The following UBXN2B variants were observed in gnomAD, a reference collection of about 807,000 sequenced individuals.
The protein encoded by UBXN2B is UBX domain protein 2B.
A neutral mutation model predicts 37.5 loss-of-function variants in UBXN2B; 19 were observed. The ratio of observed to expected loss-of-function variants is 0.51; its 90% CI spans 0.35 to 0.74. The LOEUF is 0.74. Among genes scored for constraint, UBXN2B ranks in the 30% least tolerant of loss-of-function variants. The pLI, the probability that UBXN2B is intolerant of heterozygous loss-of-function variation, is 0.01. For synonymous variants in UBXN2B, 145 were observed against 143.8 expected, an observed-to-expected ratio of 1.01 and a Z score of -0.06; for missense variants, 370 against 393.2, an observed-to-expected ratio of 0.94 and a Z score of 0.50.
chr8:58,447,377 T>G lies in UBXN2B; in HGVS notation c.834-12T>G, dbSNP rs1808705701. On this transcript the variant is annotated splice_polypyrimidine_tract_variant and intron_variant, in intron 7 of 7. Coordinates refer to ENST00000399598, the MANE Select transcript of UBXN2B (RefSeq NM_001077619.2). The stretch of plus-strand genomic sequence containing the variant: ...TTTTATATTACAAATTATTTTTGTC[T>G]TATTTCTTCAGGATCCTGGATGTCC... 1.9e-6 allele frequency: 3 copies of G among 1,549,142 alleles called. No homozygotes were observed. Among genetic ancestry groups the G allele is most frequent in the South Asian group, 1.3e-5 (1 of 79,574 alleles).
Position 58,434,384 on chromosome 8 carries a change from A to G in UBXN2B, c.424-11A>G, listed in dbSNP as rs372265443. The G allele has an allele frequency of 4.5e-5, 57 of 1,262,292 alleles. No individual in the cohort carries two copies. In the African/African-American group the frequency reaches 7.4e-4, roughly 16 times the overall value. The allele number at this position is 1,262,292 out of a possible 1,614,324, so 78.2% of individuals were successfully genotyped here. A position where few individuals can be genotyped will look rare whatever the true frequency, so the allele number is the denominator to read the frequency against. The stretch of plus-strand genomic sequence containing the variant: ...ATATATATATATTTTTTTTTTTTCT[A>G]TACCCAAAAGGTTCAGATTTTGCTT... On this transcript the variant is annotated splice_polypyrimidine_tract_variant and intron_variant, in intron 4 of 7. Coordinates refer to ENST00000399598, the MANE Select transcript of UBXN2B (RefSeq NM_001077619.2).
intron 2 of UBXN2B, among the ~76,000 whole-genome samples, chr8:58,427,721 T>G (rs1391798115): frequency 6.6e-6 from 1 of 152,220 alleles, no homozygotes; most frequent in Non-Finnish European, 1.5e-5. Flanking sequence ...AGTAGAACTA[T>G]CTAGCAGGTG....
chr8:58,428,614 T>C (rs905030346), intron 2 of UBXN2B, among the ~76,000 whole-genome samples: 2 of 152,252 alleles, frequency 1.3e-5, no homozygotes, highest in African/African-American at 4.8e-5. Context: ...GATGCCTATC[T>C]TTTATTCCTT....
chr8:58,426,151 G>T, intron 2 of UBXN2B: 1 of 977,584 alleles, frequency 1.0e-6, no homozygotes, highest in South Asian at 1.3e-5. Flanking sequence ...CAGCCAAAGT[G>T]GAAAATTTCT....
At chr8:58,419,405 G>C (rs1807867510) in intron 2 of UBXN2B, among the ~76,000 whole-genome samples, 2 of 152,146 alleles carry the variant, frequency 1.3e-5, no homozygotes, top group Admixed American at 1.3e-4. Flanking sequence ...GTCATTTTAA[G>C]CCAAGACAGT....
At chr8:58,442,487 AT>A (rs1585619212) in intron 6 of UBXN2B, among the ~76,000 whole-genome samples, 1 of 152,258 alleles carries the variant, frequency 6.6e-6, no homozygotes, top group African/African-American at 2.4e-5. Context: ...AGAAATGAAA[AT>A]AATCTATTGT....
intron 2 of UBXN2B, chr8:58,426,737 A>C: frequency 4.6e-6 from 3 of 658,604 alleles, no homozygotes; most frequent in Non-Finnish European, 5.7e-6. Context: ...CTCAGGCTCC[A>C]CTGGGCTCGG....
At chr8:58,416,823 C>T in intron 1 of UBXN2B, 27 bp from the exon 2 acceptor site, 1 of 1,596,708 alleles carries the variant, frequency 6.3e-7, no homozygotes, top group Non-Finnish European at 8.6e-7. Context: ...TAGTGTTATA[C>T]TTTGTAACAA....
At chr8:58,444,387 G>C (rs903624697) in intron 6 of UBXN2B, among the ~76,000 whole-genome samples, 1 of 152,178 alleles carries the variant, frequency 6.6e-6, no homozygotes, top group African/African-American at 2.4e-5. Context: ...GGCACAATAA[G>C]GGTAAGTGAC....
At chr8:58,415,433 C>G (rs906193708) in intron 1 of UBXN2B, among the ~76,000 whole-genome samples, 1 of 151,980 alleles carries the variant, frequency 6.6e-6, no homozygotes, top group Admixed American at 6.6e-5. Context: ...ATGTCTGTCT[C>G]TCTCTCCTCT....
At chr8:58,416,827 G>A (rs1563455843) in intron 1 of UBXN2B, 23 bp from the exon 2 acceptor site, 1 of 1,600,358 alleles carries the variant, frequency 6.2e-7, no homozygotes. Flanking sequence ...GTTATACTTT[G>A]TAACAAGCCT....
intron 5 of UBXN2B, chr8:58,435,091 T>C: frequency 7.0e-7 from 1 of 1,428,408 alleles, no homozygotes; most frequent in Non-Finnish European, 9.1e-7. Context: ...AGCTTTTCTG[T>C]GTTATGATTA....
In UBXN2B at chr8:58,426,162, C is replaced by T. The variant is rs372241488; in HGVS notation, c.189-4357C>T. On this transcript the variant is annotated intron_variant, in intron 2 of 7. Transcript: ENST00000399598. ...AACTCAGCCAAAGTGGAAAATTTCT[C>T]CCCTCCACACAGATCACAGTAATCA... 289 of 880,342 alleles carry T rather than the reference C, an allele frequency of 3.3e-4. 2 individuals carry two copies. The African/African-American group carries it at 4.3e-3, about 13-fold the overall frequency. 54.5% of individuals were successfully genotyped at this position (880,342 alleles called of 1,614,324 possible). A position where few individuals can be genotyped will look rare whatever the true frequency, so the allele number is the denominator to read the frequency against.
intron 6 of UBXN2B, among the ~76,000 whole-genome samples, chr8:58,441,848 A>G (rs553421359): frequency 3.3e-5 from 5 of 152,324 alleles, no homozygotes; most frequent in Non-Finnish European, 7.3e-5. Flanking sequence ...TTGATTATGG[A>G]AAACAGAATC....
chr8:58,420,664 CAA>C (rs1807902868), intron 2 of UBXN2B, among the ~76,000 whole-genome samples: 1 of 152,076 alleles, frequency 6.6e-6, no homozygotes. Context: ...AATAAACAGA[CAA>C]ATTATTAATT....
chr8:58,438,383 A>G (rs1259378784), intron 5 of UBXN2B, among the ~76,000 whole-genome samples: 1 of 152,186 alleles, frequency 6.6e-6, no homozygotes, highest in East Asian at 1.9e-4. Context: ...GAGCCTGGAA[A>G]AGCCACAGGT....
At chr8:58,418,264 A>G (rs1340354033) in intron 2 of UBXN2B, among the ~76,000 whole-genome samples, 1 of 151,736 alleles carries the variant, frequency 6.6e-6, no homozygotes, top group Non-Finnish European at 1.5e-5. Flanking sequence ...AAAAAAAAAA[A>G]AATTAATAGT....
At chr8:58,440,544 T>C (rs1486385663) in intron 6 of UBXN2B, among the ~76,000 whole-genome samples, 1 of 152,234 alleles carries the variant, frequency 6.6e-6, no homozygotes, top group Non-Finnish European at 1.5e-5. Flanking sequence ...TGGTTTCCTT[T>C]ATAATACCCA....
chr8:58,439,305 A>G (rs1344935130), intron 5 of UBXN2B, among the ~76,000 whole-genome samples: 1 of 152,206 alleles, frequency 6.6e-6, no homozygotes, highest in African/African-American at 2.4e-5. Context: ...AAATATCCAC[A>G]TTACCTTTTT....
Sources: allele counts gnomAD v4.1 joint callset (sites outside exome capture counted in the v4.1 genomes callset), GRCh38; gene constraint gnomAD v4.1.1; transcripts MANE v1.5; gene names NCBI Gene and HGNC (gene_info 2026-07-23, HGNC 2026-07-21).